The following SYT10 variants were observed in gnomAD, a reference collection of about 807,000 sequenced individuals.
SYT10 encodes synaptotagmin-10.
SYT10 carries 31 observed loss-of-function variants against 51.1 expected under a neutral mutation model. The observed-to-expected ratio is 0.61, with a 90% CI of 0.46 to 0.82. The LOEUF (loss-of-function observed/expected upper bound fraction) is 0.82. SYT10 is among the 40% of genes least tolerant of loss of function. SYT10 has a pLI of 0.00. For synonymous variants in SYT10, 233 were observed against 225.9 expected (o/e 1.03, Z -0.28); for missense variants, 603 against 634.0 (o/e 0.95, Z 0.53).
At chr12:33,377,575 C>A (rs1423111904) in intron 6 of SYT10, among the ~76,000 whole-genome samples, 4 of 151,700 alleles carry the variant, frequency 2.6e-5, no homozygotes, top group Non-Finnish European at 4.4e-5. Context: ...AGTTTAATTA[C>A]AACAAAACAA....
chr12:33,421,768 T>C (rs1052958622), intron 2 of SYT10, among the ~76,000 whole-genome samples: 4 of 152,100 alleles, frequency 2.6e-5, no homozygotes, highest in Non-Finnish European at 5.9e-5. Flanking sequence ...AATTACAGCT[T>C]TAAATAATAA....
intron 3 of SYT10, among the ~76,000 whole-genome samples, chr12:33,393,473 C>G (rs1339528336): frequency 6.6e-6 from 1 of 152,176 alleles, no homozygotes; most frequent in African/African-American, 2.4e-5. Context: ...AAAGGAGTCC[C>G]TGTAAGTATT....
At chr12:33,435,834 T>G (rs1864206819) in intron 1 of SYT10, among the ~76,000 whole-genome samples, 1 of 152,182 alleles carries the variant, frequency 6.6e-6, no homozygotes, top group Admixed American at 6.5e-5. Context: ...TTCTTGTCAG[T>G]TAAGTACTTT....
At chr12:33,429,852 G>A (rs10844603) in intron 1 of SYT10, among the ~76,000 whole-genome samples, 17,439 of 152,070 alleles carry the variant, frequency 0.11, 1,110 homozygotes, top group Admixed American at 0.17. Flanking sequence ...AAGAAAAGAG[G>A]TAAGTTGAAG....
intron 3 of SYT10, among the ~76,000 whole-genome samples, chr12:33,391,808 G>A (rs943046343): frequency 6.6e-6 from 1 of 152,230 alleles, no homozygotes; most frequent in South Asian, 2.1e-4. Flanking sequence ...TAAGGTGAAT[G>A]TTCATACAAA....
In SYT10 at chr12:33,382,455, T is replaced by C. The variant is rs1359176318; in HGVS notation, c.1264A>G (p.Lys422Glu). ...TACACAGGGTTTAGAGTGTTTTTCT[T>C]TGTAGTTGTTTTCCTCTTTTTTAAT... ...RRLKKRKTTT[K>E]KNTLNPVYNE... The change falls in exon 5 of 7, where the codon AAG becomes GAG. Residue 422 changes from lysine to glutamate, a missense_variant. Coordinates refer to ENST00000228567, the MANE Select transcript of SYT10 (RefSeq NM_198992.4). 1.9e-6 allele frequency: 3 copies of C among 1,613,094 alleles called. No individual in the cohort carries two copies. The highest frequency in any genetic ancestry group is 1.6e-4 in the Middle Eastern group (1 of 6,078).
At chr12:33,414,244 C>A (rs1413014288) in intron 2 of SYT10, among the ~76,000 whole-genome samples, 2 of 152,118 alleles carry the variant, frequency 1.3e-5, no homozygotes, top group Admixed American at 6.6e-5. Flanking sequence ...TGGAGACTTT[C>A]ACACCGCACT....
At chr12:33,408,346 T>C (rs1866377203) in intron 2 of SYT10, 1 of 152,210 alleles carries the variant, frequency 6.6e-6, no homozygotes, top group Non-Finnish European at 1.5e-5. Flanking sequence ...CGTAGAATTT[T>C]AGAATTTGAG....
At chr12:33,411,352 A>C (rs1866402964) in intron 2 of SYT10, among the ~76,000 whole-genome samples, 1 of 152,114 alleles carries the variant, frequency 6.6e-6, no homozygotes, top group South Asian at 2.1e-4. Flanking sequence ...ATGTTTTTAG[A>C]GGTGCTTTTA....
intron 1 of SYT10, among the ~76,000 whole-genome samples, chr12:33,426,763 T>C (rs1349670348): frequency 2.0e-5 from 3 of 152,136 alleles, no homozygotes; most frequent in Non-Finnish European, 2.9e-5. Flanking sequence ...TACACTATGA[T>C]GGGTTCAAGA....
chr12:33,436,018 T>C (rs1866635004), intron 1 of SYT10, among the ~76,000 whole-genome samples: 1 of 152,122 alleles, frequency 6.6e-6, no homozygotes, highest in Non-Finnish European at 1.5e-5. Flanking sequence ...CTTATGAAAA[T>C]CTTTAAATTA....
rs1400278280 is a variant in SYT10, at chr12:33,439,362, T to C, written c.151+10A>G. On this transcript the variant is annotated intron_variant, in intron 1 of 6. Coordinates refer to ENST00000228567, the MANE Select transcript of SYT10 (RefSeq NM_198992.4). ...GAGCGCGAGGACGCGAGCGGAGCCCTCCCGGTTACCTGTGCTGCTTCCGCC... is the reference window on the plus strand; with the variant it reads ...GAGCGCGAGGACGCGAGCGGAGCCCCCCCGGTTACCTGTGCTGCTTCCGCC... 1 of 1,609,798 alleles carries C rather than the reference T, an allele frequency of 6.2e-7. No individual in the cohort carries two copies. The highest frequency in any genetic ancestry group is 8.5e-7 in the Non-Finnish European group (1 of 1,178,198).
At chr12:33,395,305 C>T (rs372549887) in intron 3 of SYT10, among the ~76,000 whole-genome samples, 4 of 152,152 alleles carry the variant, frequency 2.6e-5, no homozygotes, top group Admixed American at 2.0e-4. Flanking sequence ...AAGAATTATT[C>T]TGAACATTTG....
intron 3 of SYT10, among the ~76,000 whole-genome samples, chr12:33,393,100 T>C (rs548753196): frequency 9.2e-4 from 139 of 151,676 alleles, no homozygotes; most frequent in African/African-American, 3.3e-3. Context: ...ACCATGGACT[T>C]TAGCTATCAG....
intron 1 of SYT10, among the ~76,000 whole-genome samples, chr12:33,434,210 A>T (rs934391894): frequency 6.6e-5 from 10 of 152,146 alleles, no homozygotes; most frequent in African/African-American, 2.4e-4. Context: ...AGTTGAACAC[A>T]CTCTGAAGAA....
chr12:33,419,400 G>C (rs1268978525), intron 2 of SYT10, among the ~76,000 whole-genome samples: 1 of 152,098 alleles, frequency 6.6e-6, no homozygotes, highest in Non-Finnish European at 1.5e-5. Context: ...ATTTAGCCAT[G>C]TGACTAAATA....
chr12:33,430,527 C>A (rs1866588098), intron 1 of SYT10, among the ~76,000 whole-genome samples: 1 of 152,104 alleles, frequency 6.6e-6, no homozygotes, highest in Non-Finnish European at 1.5e-5. Context: ...GTTCTCAATT[C>A]CAATTTCTGC....
chr12:33,425,871 C>T (rs1303404280), intron 2 of SYT10, among the ~76,000 whole-genome samples: 1 of 152,020 alleles, frequency 6.6e-6, no homozygotes, highest in Non-Finnish European at 1.5e-5. Flanking sequence ...TTACTGAGAC[C>T]TCACATTCTG....
intron 2 of SYT10, among the ~76,000 whole-genome samples, chr12:33,409,042 T>C (rs1030955022): frequency 1.3e-5 from 2 of 152,082 alleles, no homozygotes; most frequent in African/African-American, 2.4e-5. Context: ...CTTTTTTTTT[T>C]CCTTCCAGCT....
Sources: allele counts gnomAD v4.1 joint callset (sites outside exome capture counted in the v4.1 genomes callset), GRCh38; gene constraint gnomAD v4.1.1; transcripts MANE v1.5; gene names NCBI Gene and HGNC (gene_info 2026-07-23, HGNC 2026-07-21).